The following MAST4 variants were observed in gnomAD, a reference collection of about 807,000 sequenced individuals.
MAST4 encodes the protein microtubule associated serine/threonine kinase family member 4, also known as microtubule-associated serine/threonine-protein kinase 4.
Under a neutral mutation model 162.7 loss-of-function variants are expected in MAST4, and 89 were observed. The observed-to-expected ratio is 0.55, with a 90% CI of 0.46 to 0.65. The LOEUF is 0.65. MAST4 is among the 30% of genes least tolerant of loss of function. The pLI is 0.00. For synonymous variants in MAST4, 1,479 were observed against 1,361.1 expected, an observed-to-expected ratio of 1.09 and a Z score of -1.91; for missense variants, 3,153 against 3,374.0, an observed-to-expected ratio of 0.93 and a Z score of 1.62.
At chr5:67,033,960 A>G (rs956779245) in intron 4 of MAST4, among the ~76,000 whole-genome samples, 1 of 152,146 alleles carries the variant, frequency 6.6e-6, no homozygotes, top group African/African-American at 2.4e-5. Context: ...CTGTTTATCT[A>G]TTTGGTCTTG....
intron 1 of MAST4, among the ~76,000 whole-genome samples, chr5:66,687,645 TATC>T: frequency 1.2e-5 from 1 of 85,066 alleles, no homozygotes; most frequent in South Asian, 4.2e-4. Flanking sequence ...TTTATCTATC[TATC>T]TATCTATCTA....
intron 1 of MAST4, among the ~76,000 whole-genome samples, chr5:66,708,993 A>G (rs1025238346): frequency 6.6e-6 from 1 of 152,170 alleles, no homozygotes; most frequent in Non-Finnish European, 1.5e-5. Context: ...TTTCTTTACT[A>G]GGAGCACAAC....
intron 26 of MAST4, among the ~76,000 whole-genome samples, chr5:67,154,110 T>A (rs1772185167): frequency 6.6e-6 from 1 of 152,186 alleles, no homozygotes; most frequent in South Asian, 2.1e-4. Flanking sequence ...CCATACAAAT[T>A]AACTTAAACA....
chr5:66,999,793 T>A (rs1052725754), intron 4 of MAST4, among the ~76,000 whole-genome samples: 1 of 152,200 alleles, frequency 6.6e-6, no homozygotes, highest in Non-Finnish European at 1.5e-5. Context: ...GGCATTATTT[T>A]AAAATATTTT....
intron 4 of MAST4, among the ~76,000 whole-genome samples, chr5:66,969,458 T>C (rs1267642743): frequency 1.3e-5 from 2 of 152,082 alleles, no homozygotes; most frequent in Non-Finnish European, 2.9e-5. Context: ...GCTTATGGGG[T>C]TTTAGTGCAA....
intron 4 of MAST4, among the ~76,000 whole-genome samples, chr5:66,982,463 A>C (rs937734664): frequency 2.0e-5 from 3 of 152,190 alleles, no homozygotes; most frequent in African/African-American, 7.2e-5. Flanking sequence ...TTTATTTATT[A>C]AAGTGTGTAT....
intron 4 of MAST4, among the ~76,000 whole-genome samples, chr5:66,956,129 T>C (rs1368593455): frequency 6.6e-6 from 1 of 152,080 alleles, no homozygotes; most frequent in East Asian, 1.9e-4. Flanking sequence ...GGCCTTCTTT[T>C]AAACTTTGGG....
Position 67,166,004 on chromosome 5 carries a change from G to A in MAST4, c.6825G>A (p.Leu2275=). The A allele has an allele frequency of 1.2e-6, 2 of 1,613,644 alleles. No homozygotes were observed. Among genetic ancestry groups the A allele is most frequent in the Non-Finnish European group, 1.7e-6 (2 of 1,179,876 alleles). ...GQGEGGPSVP[L]HTDRAPLDAK... is the part of the protein sequence containing the mutation. ...GAGAAGGTGGGCCCTCTGTCCCACTGCACACTGACAGGGCTCCTCTAGACG... is the reference window on the plus strand; with the variant it reads ...GAGAAGGTGGGCCCTCTGTCCCACTACACACTGACAGGGCTCCTCTAGACG... Residue 2275 remains leucine, a synonymous_variant, in exon 29 of 29, where the codon CTG becomes CTA. Coordinates refer to ENST00000403625, the MANE Select transcript of MAST4 (RefSeq NM_001164664.2).
At chr5:66,818,247 A>G (rs1425581258) in intron 3 of MAST4, among the ~76,000 whole-genome samples, 2 of 152,180 alleles carry the variant, frequency 1.3e-5, no homozygotes, top group African/African-American at 4.8e-5. Context: ...AACTAGGCAT[A>G]CGTTTGCTTT....
At chr5:67,153,331 A>G in intron 25 of MAST4, 127 bp from the exon 26 acceptor site, 1 of 956,364 alleles carries the variant, frequency 1.0e-6, no homozygotes, top group Non-Finnish European at 1.5e-6. Context: ...TAGTAAACGT[A>G]CCTGTTAGAT....
Position 67,078,695 on chromosome 5 carries a change from T to C in MAST4, c.764-11467T>C, listed in dbSNP as rs191431544. 9.9e-3 allele frequency among the ~76,000 whole-genome samples: 1,371 copies of C among 137,840 alleles called. 33 individuals carry two copies. The highest frequency in any genetic ancestry group is 0.035 in the African/African-American group (1,305 of 36,876). 90.4% of individuals were successfully genotyped at this position (137,840 alleles called of 152,430 possible). ...TATATTATATTTATTTATATTTATATATTTATATATAATATTTATTTATAT... is the reference window on the plus strand; with the variant it reads ...TATATTATATTTATTTATATTTATACATTTATATATAATATTTATTTATAT... On this transcript the variant is annotated intron_variant, in intron 5 of 28. Transcript: ENST00000403625.
chr5:67,137,848 C>T (rs565962766), intron 19 of MAST4, among the ~76,000 whole-genome samples: 5 of 152,252 alleles, frequency 3.3e-5, no homozygotes, highest in East Asian at 1.9e-4. Context: ...CATGACAGAC[C>T]GCATGCCCTG....
At chr5:66,619,681 T>C (rs1743946442) in intron 1 of MAST4, among the ~76,000 whole-genome samples, 1 of 152,184 alleles carries the variant, frequency 6.6e-6, no homozygotes, top group South Asian at 2.1e-4. Context: ...ATTTTAAATT[T>C]TATTAACCTT....
chr5:66,864,273 G>A (rs983894114), intron 3 of MAST4, among the ~76,000 whole-genome samples: 1 of 152,236 alleles, frequency 6.6e-6, no homozygotes, highest in African/African-American at 2.4e-5. Flanking sequence ...ATTCCTGAAT[G>A]AAGCATGGGC....
intron 4 of MAST4, among the ~76,000 whole-genome samples, chr5:67,015,226 C>T (rs1753137546): frequency 1.3e-5 from 2 of 152,112 alleles, no homozygotes; most frequent in Admixed American, 1.3e-4. Context: ...CCTATTGTTC[C>T]AGAAAGATTA....
At chr5:66,993,488 A>G (rs916839169) in intron 4 of MAST4, among the ~76,000 whole-genome samples, 19 of 152,214 alleles carry the variant, frequency 1.2e-4, no homozygotes, top group African/African-American at 4.3e-4. Flanking sequence ...AGGCATGCAT[A>G]TGAATAAAAT....
chr5:66,608,873 G>A lies in MAST4; in HGVS notation c.363+11855G>A, dbSNP rs1400853920. Among the ~76,000 whole-genome samples the A allele has an allele frequency of 2.0e-5, 3 of 152,054 alleles. No homozygotes were observed. The South Asian group carries it at 6.2e-4, about 32-fold the overall frequency. ...GGGTAACTTTAGAACCTGTGAATTA[G>A]GATCTTAACTGTCTGACCTAGGACT... On this transcript the variant is annotated intron_variant, in intron 1 of 28. Transcript: ENST00000403625.
intron 5 of MAST4, among the ~76,000 whole-genome samples, chr5:67,058,775 CTG>C (rs1215694454): frequency 6.6e-6 from 1 of 152,214 alleles, no homozygotes; most frequent in Non-Finnish European, 1.5e-5. Flanking sequence ...AAAGGAGAAA[CTG>C]TTAATTGTTT....
intron 3 of MAST4, among the ~76,000 whole-genome samples, chr5:66,826,863 G>A (rs1460429657): frequency 6.6e-6 from 1 of 152,198 alleles, no homozygotes; most frequent in African/African-American, 2.4e-5. Flanking sequence ...ATTCGGAGCT[G>A]CTGCCAAGGC....
Sources: allele counts gnomAD v4.1 joint callset (sites outside exome capture counted in the v4.1 genomes callset), GRCh38; gene constraint gnomAD v4.1.1; transcripts MANE v1.5; gene names NCBI Gene and HGNC (gene_info 2026-07-23, HGNC 2026-07-21).